Variants in TM9SF2 observed in about 807,000 individuals in gnomAD.
TM9SF2 encodes the protein 76 kDa membrane protein.
A neutral mutation model predicts 84.9 loss-of-function variants in TM9SF2; 13 were observed. That is an observed-to-expected ratio of 0.15 (90% CI 0.10 to 0.24). The LOEUF (loss-of-function observed/expected upper bound fraction) is 0.24, where lower values mean the gene tolerates loss of function less well. Ranked by LOEUF, TM9SF2 falls within the 10% of genes least tolerant of loss-of-function variation. The pLI is 1.00. For missense variants in TM9SF2, 562 were observed against 818.5 expected, an observed-to-expected ratio of 0.69 and a Z score of 3.82; for synonymous variants, 273 against 285.8, an observed-to-expected ratio of 0.96 and a Z score of 0.45.
intron 3 of TM9SF2, among the ~76,000 whole-genome samples, chr13:99,522,642 T>A (rs1313117416): frequency 6.6e-6 from 1 of 152,244 alleles, no homozygotes. Flanking sequence ...TACTTATGTC[T>A]TGCCCTTGAG....
chr13:99,549,872 T>A (rs948687434), intron 12 of TM9SF2, among the ~76,000 whole-genome samples: 3 of 152,222 alleles, frequency 2.0e-5, no homozygotes, highest in African/African-American at 7.2e-5. Flanking sequence ...ACTGTTCCAT[T>A]TGCAGGCTAG....
intron 14 of TM9SF2, 66 bp downstream of exon 14, chr13:99,554,521 T>A (rs2046318439): frequency 6.7e-7 from 1 of 1,495,376 alleles, no homozygotes; most frequent in Non-Finnish European, 9.0e-7. Context: ...TTTTGTTTGT[T>A]TATATGGGTT....
chr13:99,539,412 T>C lies in TM9SF2; in HGVS notation c.717-34T>C, dbSNP rs751960081. On this transcript the variant is annotated intron_variant, in intron 6 of 16. Transcript: ENST00000376387. ...ACCTCATTTTTAAAAAGTTGTACTT[T>C]ATCAGCATCTTGCCAAAATGTTTCT... The C allele has an allele frequency of 5.4e-5, 73 of 1,343,314 alleles. 1 individual carries two copies. In the South Asian group the frequency reaches 8.2e-4, roughly 15 times the overall value. 83.2% of individuals were successfully genotyped at this position (1,343,314 alleles called of 1,614,324 possible). A position where few individuals can be genotyped will look rare whatever the true frequency, so the allele number is the denominator to read the frequency against.
At chr13:99,550,916 G>A (rs2046303479) in intron 12 of TM9SF2, among the ~76,000 whole-genome samples, 1 of 152,152 alleles carries the variant, frequency 6.6e-6, no homozygotes, top group Non-Finnish European at 1.5e-5. Context: ...TCTGTTCACA[G>A]TAAAGGAGGA....
In TM9SF2 at chr13:99,536,421, G is replaced by C. The variant is rs903308379; in HGVS notation, c.462-187G>C. 4.0e-5 allele frequency among the ~76,000 whole-genome samples: 6 copies of C among 151,714 alleles called. No homozygotes were observed. In the East Asian group the frequency reaches 1.2e-3, roughly 29 times the overall value. On this transcript the variant is annotated intron_variant, in intron 4 of 16. Coordinates refer to ENST00000376387, the MANE Select transcript of TM9SF2 (RefSeq NM_004800.3). ...CTGTAGTTTTTTCCATCACTGCAGTGTATCAGATACTGGCATATTGTTATT... is the reference window on the plus strand; with the variant it reads ...CTGTAGTTTTTTCCATCACTGCAGTCTATCAGATACTGGCATATTGTTATT...
intron 4 of TM9SF2, 27 bp downstream of exon 4, chr13:99,529,621 G>T: frequency 1.3e-6 from 2 of 1,489,936 alleles, no homozygotes; most frequent in Non-Finnish European, 1.8e-6. Flanking sequence ...TTCGATTTTG[G>T]GGTTTATCCT....
intron 1 of TM9SF2, among the ~76,000 whole-genome samples, chr13:99,516,340 A>T (rs1427567245): frequency 6.6e-6 from 1 of 152,214 alleles, no homozygotes; most frequent in Non-Finnish European, 1.5e-5. Context: ...AATCAAAATG[A>T]CAAGTGTGGC....
At chr13:99,555,496 G>T in intron 14 of TM9SF2, 40 bp from the exon 15 acceptor site, 2 of 1,461,490 alleles carry the variant, frequency 1.4e-6, no homozygotes, top group South Asian at 2.3e-5. Context: ...GTGTCAAATT[G>T]AAAATATTTA....
chr13:99,530,040 ACT>A (rs1346998071), intron 4 of TM9SF2, among the ~76,000 whole-genome samples: 1 of 152,010 alleles, frequency 6.6e-6, no homozygotes, highest in Non-Finnish European at 1.5e-5. Context: ...GTCTAAAACA[ACT>A]CTGTAAGTAC....
chr13:99,502,521 G>A (rs1346072664), intron 1 of TM9SF2, among the ~76,000 whole-genome samples: 1 of 152,200 alleles, frequency 6.6e-6, no homozygotes, highest in Non-Finnish European at 1.5e-5. Context: ...AGGGGCAAAT[G>A]GTGGGAGAAA....
intron 10 of TM9SF2, among the ~76,000 whole-genome samples, chr13:99,544,424 A>G (rs780006560): frequency 6.6e-6 from 1 of 152,112 alleles, no homozygotes; most frequent in African/African-American, 2.4e-5. Context: ...TAGGTTCTCA[A>G]AATCTAAGTG....
At chr13:99,549,247 T>A in intron 12 of TM9SF2, 25 bp downstream of exon 12, 1 of 1,600,462 alleles carries the variant, frequency 6.2e-7, no homozygotes, top group Non-Finnish European at 8.6e-7. Context: ...CAAGAATTAC[T>A]TTCTTAACAT....
intron 1 of TM9SF2, 43 bp downstream of exon 1, chr13:99,501,820 G>T: frequency 6.4e-7 from 1 of 1,572,360 alleles, no homozygotes. Context: ...TGTTGGAAGG[G>T]GAAGTCGTCC....
intron 12 of TM9SF2, among the ~76,000 whole-genome samples, chr13:99,550,148 C>T (rs2046299895): frequency 6.6e-6 from 1 of 152,184 alleles, no homozygotes; most frequent in African/African-American, 2.4e-5. Context: ...CCATTGCTCC[C>T]TTCTCACATG....
chr13:99,521,005 A>T (rs1341157420), intron 3 of TM9SF2, among the ~76,000 whole-genome samples: 1 of 152,104 alleles, frequency 6.6e-6, no homozygotes, highest in East Asian at 1.9e-4. Context: ...TTTGCCTTTA[A>T]ATCTGTTATC....
chr13:99,549,631 A>G (rs1213734733), intron 12 of TM9SF2, among the ~76,000 whole-genome samples: 2 of 152,202 alleles, frequency 1.3e-5, no homozygotes, highest in East Asian at 1.9e-4. Flanking sequence ...TCCATTAAGT[A>G]AAGTAATATA....
At chr13:99,518,151 G>A (rs527944632) in intron 2 of TM9SF2, among the ~76,000 whole-genome samples, 3 of 152,108 alleles carry the variant, frequency 2.0e-5, no homozygotes, top group Admixed American at 2.0e-4. Flanking sequence ...TCACTGTATT[G>A]CCCAGGCTCA....
chr13:99,531,999 A>G (rs1481634694), intron 4 of TM9SF2, among the ~76,000 whole-genome samples: 1 of 151,564 alleles, frequency 6.6e-6, no homozygotes, highest in African/African-American at 2.4e-5. Context: ...TGCAATAGCT[A>G]TCAGTTTGTT....
chr13:99,504,520 GGTA>G (rs1352951414), intron 1 of TM9SF2, among the ~76,000 whole-genome samples: 7 of 152,274 alleles, frequency 4.6e-5, no homozygotes, highest in South Asian at 4.1e-4. Context: ...ATATAATTTA[GGTA>G]GTAGAGTGTT....
Sources: gnomAD v4.1 joint callset for allele counts (sites outside exome capture counted in the v4.1 genomes callset) on GRCh38, gnomAD v4.1.1 for gene constraint, MANE v1.5 for transcripts, NCBI Gene and HGNC (gene_info 2026-07-23, HGNC 2026-07-21) for gene names.